The following ANO4 variants were observed in gnomAD, a reference collection of about 807,000 sequenced individuals.
ANO4 encodes anoctamin-4.
In ANO4, 69 loss-of-function variants were observed where a neutral mutation model predicts 141.9. The observed-to-expected ratio is 0.49, with a 90% CI of 0.40 to 0.59. ANO4 has a LOEUF of 0.59. Ranked by LOEUF, ANO4 falls within the 20% of genes least tolerant of loss-of-function variation. The pLI, the probability that ANO4 is intolerant of heterozygous loss-of-function variation, is 0.00. For synonymous variants in ANO4, 350 were observed against 394.3 expected (o/e 0.89, Z 1.33); for missense variants, 894 against 1,162.2 (o/e 0.77, Z 3.36).
At chr12:101,056,018 G>A (rs1395657503) in intron 14 of ANO4, among the ~76,000 whole-genome samples, 2 of 152,016 alleles carry the variant, frequency 1.3e-5, no homozygotes, top group African/African-American at 4.8e-5. Context: ...TGTTTGATGT[G>A]TATGTGTACA....
intron 1 of ANO4, among the ~76,000 whole-genome samples, chr12:100,841,705 A>G (rs554937897): frequency 1.3e-5 from 2 of 152,326 alleles, no homozygotes; most frequent in African/African-American, 2.4e-5. Flanking sequence ...GCTAGCCTTC[A>G]TATTAGTTTA....
At chr12:101,107,305 T>C (rs2050487384) in intron 22 of ANO4, among the ~76,000 whole-genome samples, 1 of 152,190 alleles carries the variant, frequency 6.6e-6, no homozygotes, top group African/African-American at 2.4e-5. Context: ...AAAACCCCTG[T>C]AGTGAGTATG....
At chr12:100,957,694 G>A (rs1040033941) in intron 5 of ANO4, among the ~76,000 whole-genome samples, 2 of 152,152 alleles carry the variant, frequency 1.3e-5, no homozygotes, top group African/African-American at 4.8e-5. Context: ...AGGTTCAAGC[G>A]ATTCTCACAC....
Position 100,740,015 on chromosome 12 carries a change from A to G in ANO4, c.268A>G (p.Thr90Ala), listed in dbSNP as rs747962840. The change falls in exon 3 of 30, where the codon ACA becomes GCA. Residue 90 changes from threonine (T) to alanine (A), a missense_variant. By Grantham distance (58) the Thr-to-Ala change is moderately conservative. Transcript: ENST00000644049. ...CTTCACCCGCAAGACTGACCAGGCC[A>G]CACCTTTGTCCTGTCCAGCCTCACT... 4.8e-5 allele frequency: 34 copies of G among 702,556 alleles called. No homozygotes were observed. In the South Asian group the frequency reaches 5.0e-4, roughly 10 times the overall value. 43.5% of individuals were successfully genotyped at this position (702,556 alleles called of 1,614,324 possible). A position where few individuals can be genotyped will look rare whatever the true frequency, so the allele number is the denominator to read the frequency against.
chr12:100,755,596 C>A (rs2032570786), intron 3 of ANO4, among the ~76,000 whole-genome samples: 1 of 152,158 alleles, frequency 6.6e-6, no homozygotes, highest in Non-Finnish European at 1.5e-5. Context: ...TGTCCCTAAT[C>A]CTTAATTTAA....
chr12:100,977,191 AATT>A (rs2044237405), intron 7 of ANO4, among the ~76,000 whole-genome samples: 1 of 152,176 alleles, frequency 6.6e-6, no homozygotes, highest in Non-Finnish European at 1.5e-5. Context: ...TACATGTAAT[AATT>A]ATGTCTTTGC....
intron 22 of ANO4, among the ~76,000 whole-genome samples, chr12:101,104,205 TA>T (rs2050319746): frequency 6.6e-6 from 1 of 152,026 alleles, no homozygotes; most frequent in Admixed American, 6.6e-5. Context: ...TTTTCTCTAC[TA>T]CACATTTGCC....
chr12:100,880,645 CAT>C (rs2039520553), intron 1 of ANO4, among the ~76,000 whole-genome samples: 3 of 152,170 alleles, frequency 2.0e-5, no homozygotes, highest in Admixed American at 6.6e-5. Context: ...TTCTGCCTTT[CAT>C]ATGTTTTTTA....
chr12:101,054,578 C>G (rs980651941), intron 14 of ANO4, among the ~76,000 whole-genome samples: 1 of 152,228 alleles, frequency 6.6e-6, no homozygotes, highest in Non-Finnish European at 1.5e-5. Context: ...CGGCTCATTG[C>G]AAGCTCCGCC....
intron 1 of ANO4, among the ~76,000 whole-genome samples, chr12:100,841,736 A>G (rs2135812489): frequency 6.6e-6 from 1 of 152,322 alleles, no homozygotes; most frequent in Middle Eastern, 3.4e-3. Context: ...TTGATTTTAT[A>G]AGACATACTA....
At chr12:100,747,557 C>T (rs2032169243) in intron 3 of ANO4, among the ~76,000 whole-genome samples, 1 of 152,140 alleles carries the variant, frequency 6.6e-6, no homozygotes, top group Non-Finnish European at 1.5e-5. Flanking sequence ...CTTTAGTGGT[C>T]TTCTGGTGGG....
chr12:100,973,351 G>A (rs562588365), intron 6 of ANO4, among the ~76,000 whole-genome samples: 6 of 152,150 alleles, frequency 3.9e-5, no homozygotes, highest in East Asian at 1.9e-4. Flanking sequence ...ATTTTAATAC[G>A]CAAAGAATCT....
At chr12:101,048,473 C>A in intron 14 of ANO4, 72 bp downstream of exon 14, 1 of 1,364,592 alleles carries the variant, frequency 7.3e-7, no homozygotes, top group Non-Finnish European at 1.0e-6. Flanking sequence ...AGAAGTTTCA[C>A]TTTGGATGTG....
chr12:101,075,030 C>A (rs1450232791), intron 14 of ANO4, among the ~76,000 whole-genome samples: 1 of 151,980 alleles, frequency 6.6e-6, no homozygotes, highest in East Asian at 1.9e-4. Flanking sequence ...TTTTACAGTG[C>A]TGAATGGTGT....
chr12:101,100,982 A>T (rs1407293267), intron 22 of ANO4, among the ~76,000 whole-genome samples: 1 of 152,206 alleles, frequency 6.6e-6, no homozygotes, highest in Non-Finnish European at 1.5e-5. Context: ...GTTTTTGTAA[A>T]TAAAGTTTTA....
At chr12:100,825,565 A>G (rs916784996) in intron 1 of ANO4, among the ~76,000 whole-genome samples, 1 of 152,070 alleles carries the variant, frequency 6.6e-6, no homozygotes, top group Non-Finnish European at 1.5e-5. Context: ...GATAGATAAG[A>G]CATAACTGAT....
intron 1 of ANO4, among the ~76,000 whole-genome samples, chr12:100,719,028 G>A (rs1284722652): frequency 1.3e-5 from 2 of 152,152 alleles, no homozygotes; most frequent in Admixed American, 1.3e-4. Flanking sequence ...GCTTAATTGA[G>A]CACCCAGGTG....
At chr12:100,741,990 A>G (rs1321892487) in intron 3 of ANO4, among the ~76,000 whole-genome samples, 1 of 152,108 alleles carries the variant, frequency 6.6e-6, no homozygotes, top group African/African-American at 2.4e-5. Context: ...CTCAGAGTCA[A>G]TCTGATTTTT....
chr12:101,120,425 C>T (rs1251078377), intron 25 of ANO4, 95 bp from the exon 26 acceptor site: 2 of 1,044,496 alleles, frequency 1.9e-6, no homozygotes, highest in East Asian at 2.6e-5. Flanking sequence ...TCAAATTTCC[C>T]TCCTATTGAA....
Sources: allele counts gnomAD v4.1 joint callset (sites outside exome capture counted in the v4.1 genomes callset), GRCh38; gene constraint gnomAD v4.1.1; transcripts MANE v1.5; gene names NCBI Gene and HGNC (gene_info 2026-07-23, HGNC 2026-07-21).